Variants in PTPN3 observed in about 807,000 individuals in gnomAD.
PTPN3 encodes the protein protein tyrosine phosphatase non-receptor type 3.
Under a neutral mutation model 132.7 loss-of-function variants are expected in PTPN3, and 96 were observed. The observed-to-expected ratio is 0.72, with a 90% CI of 0.61 to 0.86. The LOEUF (loss-of-function observed/expected upper bound fraction) is 0.86, where lower values mean the gene tolerates loss of function less well. Ranked by LOEUF, PTPN3 falls within the 40% of genes least tolerant of loss-of-function variation. The pLI, the probability that PTPN3 is intolerant of heterozygous loss-of-function variation, is 0.00. For synonymous variants in PTPN3, 398 were observed against 429.0 expected (o/e 0.93, Z 0.89); for missense variants, 1,125 against 1,159.6 (o/e 0.97, Z 0.43).
chr9:109,409,414 T>C (rs1030146892), intron 16 of PTPN3, among the ~76,000 whole-genome samples: 20 of 152,188 alleles, frequency 1.3e-4, no homozygotes, highest in African/African-American at 4.8e-4. Flanking sequence ...TTAAAAATAC[T>C]GACCTTACCA....
chr9:109,383,687 C>T lies in PTPN3; in HGVS notation c.2254-136G>A, dbSNP rs1020882502. 27 of 1,269,150 alleles carry T rather than the reference C, an allele frequency of 2.1e-5. No homozygotes were observed. The African/African-American group carries it at 4.0e-4, about 19-fold the overall frequency. The allele number at this position is 1,269,150 out of a possible 1,614,324, so 78.6% of individuals were successfully genotyped here. On this transcript the variant is annotated intron_variant, in intron 22 of 25. Coordinates refer to ENST00000374541, the MANE Select transcript of PTPN3 (RefSeq NM_002829.4). ...ACTGATGGGAGAAAACAAACTCAGC[C>T]AAGTCCATCAGCTGTTTCTCAGGGC...
At chr9:109,408,904 G>A (rs7847693) in intron 16 of PTPN3, among the ~76,000 whole-genome samples, 74,721 of 146,228 alleles carry the variant, frequency 0.51, 19,530 homozygotes, top group South Asian at 0.72. Context: ...AGAGGCGAGC[G>A]AGGCCTGGGA....
chr9:109,428,988 G>A (rs907162351), intron 10 of PTPN3: 25 of 985,320 alleles, frequency 2.5e-5, no homozygotes, highest in Admixed American at 1.2e-4. Flanking sequence ...AGCTCTGCGT[G>A]AGCTGGTATA....
intron 12 of PTPN3, among the ~76,000 whole-genome samples, chr9:109,424,869 C>T (rs1260751486): frequency 6.6e-6 from 1 of 152,200 alleles, no homozygotes; most frequent in Non-Finnish European, 1.5e-5. Context: ...AAGACCAGAA[C>T]CCAGCCCTGC....
At chr9:109,440,835 C>T (rs893417865) in intron 7 of PTPN3, among the ~76,000 whole-genome samples, 1 of 152,194 alleles carries the variant, frequency 6.6e-6, no homozygotes, top group African/African-American at 2.4e-5. Flanking sequence ...CAATGAGCCT[C>T]CCTGTGGGGT....
chr9:109,416,898 C>T (rs1842548424), intron 14 of PTPN3, among the ~76,000 whole-genome samples: 1 of 152,208 alleles, frequency 6.6e-6, no homozygotes, highest in Non-Finnish European at 1.5e-5. Flanking sequence ...ATCAAGACAA[C>T]TGTGATAAAA....
chr9:109,399,291 T>C lies in PTPN3; in HGVS notation c.1953+5157A>G, dbSNP rs1840862554. 3.3e-5 allele frequency among the ~76,000 whole-genome samples: 5 copies of C among 152,072 alleles called. 1 individual carries two copies. In the South Asian group the frequency reaches 1.0e-3, roughly 32 times the overall value. ...ATCGTCCCGCCTCAGCCTCCCAAAG[T>C]GTTGGTATTACAAGCATGAGCAACT... On this transcript the variant is annotated intron_variant, in intron 19 of 25. Coordinates refer to ENST00000374541, the MANE Select transcript of PTPN3 (RefSeq NM_002829.4).
intron 1 of PTPN3, among the ~76,000 whole-genome samples, chr9:109,485,389 T>C (rs559935791): frequency 1.2e-4 from 18 of 151,904 alleles, no homozygotes; most frequent in African/African-American, 4.3e-4. Flanking sequence ...GCGCCTGCAG[T>C]CCCAGCTACG....
At chr9:109,455,140 T>A (rs1323118462) in intron 4 of PTPN3, among the ~76,000 whole-genome samples, 1 of 152,228 alleles carries the variant, frequency 6.6e-6, no homozygotes, top group Non-Finnish European at 1.5e-5. Flanking sequence ...CAAAATCATT[T>A]TTAAACTAGA....
chr9:109,468,482 T>C (rs1313364735), intron 1 of PTPN3, among the ~76,000 whole-genome samples: 2 of 152,070 alleles, frequency 1.3e-5, no homozygotes, highest in Non-Finnish European at 2.9e-5. Flanking sequence ...TTCTCCTGCC[T>C]CAGCCTCCTG....
rs1845038203 is a variant in PTPN3 at position 109,448,862 on chromosome 9, A to G, written c.369-7T>C. On this transcript the variant is annotated splice_region_variant and splice_polypyrimidine_tract_variant and intron_variant, in intron 5 of 25. Coordinates refer to ENST00000374541, the MANE Select transcript of PTPN3 (RefSeq NM_002829.4). ...TTGTAAGAAATACAAGTGCCTATGA[A>G]ACAATTGTTTTCATTAATTCATACT... The G allele has an allele frequency of 6.3e-7, 1 of 1,591,802 alleles. No individual in the cohort carries two copies. The highest frequency in any genetic ancestry group is 1.9e-5 in the Admixed American group (1 of 51,970).
chr9:109,469,343 G>A (rs1258696549), intron 1 of PTPN3, among the ~76,000 whole-genome samples: 2 of 152,230 alleles, frequency 1.3e-5, no homozygotes, highest in Non-Finnish European at 2.9e-5. Context: ...AAAGAGGCCG[G>A]CGCAGTGGCT....
intron 9 of PTPN3, among the ~76,000 whole-genome samples, chr9:109,436,376 T>C (rs976765185): frequency 6.6e-6 from 1 of 152,208 alleles, no homozygotes; most frequent in Non-Finnish European, 1.5e-5. Flanking sequence ...CACTGGTGCA[T>C]AGAAATTGCT....
chr9:109,504,973 A>C, the PTPN3 span, among the ~76,000 whole-genome samples: 1 of 152,170 alleles, frequency 6.6e-6, no homozygotes, highest in Non-Finnish European at 1.5e-5. Flanking sequence ...TCATATACTG[A>C]AAACAAAGAG....
In PTPN3 at chr9:109,446,137, T is replaced by A. The variant is rs114276445; in HGVS notation, c.414-845A>T. Among the ~76,000 whole-genome samples, 724 of 151,938 alleles carry A rather than the reference T, an allele frequency of 4.8e-3. 6 individuals carry two copies. The highest frequency in any genetic ancestry group is 0.017 in the African/African-American group (696 of 41,436). The stretch of plus-strand genomic sequence containing the variant: ...AGGGGTCACTGCTGGGCAGAACAGG[T>A]TAGGGGAGGGCAGGAAGAAGGGCTT... On this transcript the variant is annotated intron_variant, in intron 6 of 25. Coordinates refer to ENST00000374541, the MANE Select transcript of PTPN3 (RefSeq NM_002829.4).
Position 109,379,104 on chromosome 9 carries a change from T to A in PTPN3, c.*452A>T, listed in dbSNP as rs531432231. 1.9e-5 allele frequency: 3 copies of A among 161,902 alleles called. No homozygotes were observed. Among genetic ancestry groups the A allele is most frequent in the African/African-American group, 7.2e-5 (3 of 41,576 alleles). The allele number at this position is 161,902 out of a possible 1,614,324, so 10.0% of individuals were successfully genotyped here. The stretch of plus-strand genomic sequence containing the variant: ...ATCAGGGCGGGTGAATCTGAATTGT[T>A]CCAGCTCCACCTAGAAGCACAGAAA... On this transcript the variant is annotated 3_prime_UTR_variant, in exon 26 of 26. Transcript: ENST00000374541.
the PTPN3 span, among the ~76,000 whole-genome samples, chr9:109,519,376 C>T: frequency 6.6e-6 from 1 of 152,146 alleles, no homozygotes; most frequent in African/African-American, 2.4e-5. Context: ...GGAGACAGGG[C>T]TAAGCTATGA....
At chr9:109,420,241 T>C (rs752406953) in intron 14 of PTPN3, among the ~76,000 whole-genome samples, 183 bp downstream of exon 14, 7 of 152,210 alleles carry the variant, frequency 4.6e-5, no homozygotes, top group African/African-American at 9.6e-5. Context: ...CCCAGGCACA[T>C]AGACCGTCTT....
rs73525191 is a variant in PTPN3 at position 109,449,415 on chromosome 9, A to G, written c.369-560T>C. 8.4e-4 allele frequency: 829 copies of G among 985,606 alleles called. 3 individuals are homozygous for G. The African/African-American group carries it at 0.014, about 16-fold the overall frequency. 61.1% of individuals were successfully genotyped at this position (985,606 alleles called of 1,614,324 possible). A position where few individuals can be genotyped will look rare whatever the true frequency, so the allele number is the denominator to read the frequency against. ...TGGGTGCATGAGCAAAAGCATAAAC[A>G]TCAGTAAACTAGAAGTTTCCAGGAC... On this transcript the variant is annotated intron_variant, in intron 5 of 25. Transcript: ENST00000374541.
Sources: gnomAD v4.1 joint callset for allele counts (sites outside exome capture counted in the v4.1 genomes callset) on GRCh38, gnomAD v4.1.1 for gene constraint, MANE v1.5 for transcripts, NCBI Gene and HGNC (gene_info 2026-07-23, HGNC 2026-07-21) for gene names.